Variants in IDO1 observed in about 807,000 individuals in gnomAD.
IDO1 encodes indoleamine 2,3-dioxygenase 1, also known as indolamine 2,3 dioxygenase.
In IDO1, 35 loss-of-function variants were observed where a neutral mutation model predicts 38.8. The observed-to-expected ratio is 0.90, with a 90% CI of 0.69 to 1.20. The LOEUF is 1.20. IDO1 is among the 50% of genes most tolerant of loss of function. IDO1 has a pLI of 0.00. For missense variants in IDO1, 509 were observed against 485.1 expected, an observed-to-expected ratio of 1.05 and a Z score of -0.46; for synonymous variants, 171 against 170.0, an observed-to-expected ratio of 1.01 and a Z score of -0.05.
At chr8:39,923,448 T>G in intron 6 of IDO1, 21 bp from the exon 7 acceptor site, 575 of 1,174,276 alleles carry the variant, frequency 4.9e-4, no homozygotes, top group Non-Finnish European at 6.8e-4. Context: ...TAAATGTTTG[T>G]GTTTTGTTTG....
rs777027118 is a variant in IDO1, at chr8:39,920,139, T to C, written c.437+25T>C. The C allele has an allele frequency of 6.3e-6, 10 of 1,584,820 alleles. No individual in the cohort carries two copies. The Admixed American group carries it at 1.7e-4, about 28-fold the overall frequency. ...AGTAAGTATCTGATTCTTGTTTGATTCTAAGAATTATTTGTTACTTATAGT... is the reference window on the plus strand; with the variant it reads ...AGTAAGTATCTGATTCTTGTTTGATCCTAAGAATTATTTGTTACTTATAGT... On this transcript the variant is annotated intron_variant, in intron 5 of 9. Transcript: ENST00000518237.
chr8:39,927,338 A>T (rs867491699), intron 9 of IDO1, among the ~76,000 whole-genome samples: 12 of 152,276 alleles, frequency 7.9e-5, no homozygotes, highest in South Asian at 4.1e-4. Flanking sequence ...AGGCAGGTGG[A>T]TCATCTGAGG....
At chr8:39,914,445 T>A (rs1265439629) in intron 1 of IDO1, among the ~76,000 whole-genome samples, 3 of 152,220 alleles carry the variant, frequency 2.0e-5, no homozygotes, top group African/African-American at 4.8e-5. Flanking sequence ...GTTTCTAATT[T>A]GATGGGGTTT....
In IDO1 at chr8:39,913,977, G is replaced by A; in HGVS notation, c.55G>A (p.Glu19Lys). Reference protein sequence around the residue: ...WTISKEYHIDEEVGFALPNPQ... With the variant: ...WTISKEYHIDKEVGFALPNPQ... The stretch of plus-strand genomic sequence containing the variant: ...AATCAGTAAAGAGTACCATATTGAT[G>A]AAGAAGTGGGCTTTGCTCTGCCAAA... The change falls in exon 1 of 10, where the codon GAA becomes AAA. Residue 19 changes from glutamate (E) to lysine (K), a missense_variant. Transcript: ENST00000518237. 1.3e-6 allele frequency: 2 copies of A among 1,574,264 alleles called. No individual in the cohort carries two copies. The highest frequency in any genetic ancestry group is 1.7e-6 in the Non-Finnish European group (2 of 1,159,518).
At chr8:39,925,958 C>G (rs564795381) in intron 9 of IDO1, among the ~76,000 whole-genome samples, 6 of 151,864 alleles carry the variant, frequency 4.0e-5, no homozygotes, top group Non-Finnish European at 8.8e-5. Context: ...GAGGCCGAGG[C>G]GGGCGGATCA....
chr8:39,914,071 G>C, intron 1 of IDO1, 62 bp downstream of exon 1: 1 of 1,199,178 alleles, frequency 8.3e-7, no homozygotes, highest in Non-Finnish European at 1.2e-6. Context: ...ACCTGGCCAA[G>C]TTAACTTCTA....
intron 8 of IDO1, among the ~76,000 whole-genome samples, chr8:39,924,996 C>G (rs1330182031): frequency 6.6e-6 from 1 of 152,092 alleles, no homozygotes; most frequent in Non-Finnish European, 1.5e-5. Flanking sequence ...TGTGCTAGTA[C>G]AAAGGTAAGA....
chr8:39,922,708 C>T (rs931685904), intron 6 of IDO1, 57 bp downstream of exon 6: 1 of 1,130,816 alleles, frequency 8.8e-7, no homozygotes, highest in African/African-American at 1.5e-5. Flanking sequence ...AGAGCAATCA[C>T]TTCGGAGCCT....
At chr8:39,921,083 G>A (rs1473187546) in intron 5 of IDO1, among the ~76,000 whole-genome samples, 1 of 152,192 alleles carries the variant, frequency 6.6e-6, no homozygotes, top group African/African-American at 2.4e-5. Flanking sequence ...GGAAGAAACA[G>A]CAAAAGTGAG....
At position 39,918,326 on chromosome 8, in the gene IDO1, C is replaced by T. The variant is rs10113525; in HGVS notation, c.303+119C>T. ...TGCATCATGCAAAGTTTAGATAACACGACAAAATGATAAAGAAAATATGCC... is the reference window on the plus strand; with the variant it reads ...TGCATCATGCAAAGTTTAGATAACATGACAAAATGATAAAGAAAATATGCC... On this transcript the variant is annotated intron_variant, in intron 3 of 9. Transcript: ENST00000518237. The T allele has an allele frequency of 0.016, 14,787 of 916,490 alleles. 1,250 individuals are homozygous for T. The African/African-American group carries it at 0.2, about 12-fold the overall frequency. The allele number at this position is 916,490 out of a possible 1,614,324, so 56.8% of individuals were successfully genotyped here. A position where few individuals can be genotyped will look rare whatever the true frequency, so the allele number is the denominator to read the frequency against.
intron 6 of IDO1, 96 bp from the exon 7 acceptor site, chr8:39,923,373 C>T (rs915967667): frequency 1.1e-5 from 8 of 719,318 alleles, no homozygotes; most frequent in African/African-American, 3.7e-5. Flanking sequence ...CACTGCACCC[C>T]AGCCTGGACA....
intron 9 of IDO1, among the ~76,000 whole-genome samples, chr8:39,925,671 G>C (rs1329694491): frequency 6.6e-6 from 1 of 151,954 alleles, no homozygotes; most frequent in Non-Finnish European, 1.5e-5. Flanking sequence ...ATCACCTGAG[G>C]TCAGGAGTTT....
At chr8:39,918,302 G>T (rs985868821) in intron 3 of IDO1, 95 bp downstream of exon 3, 1 of 1,275,060 alleles carries the variant, frequency 7.8e-7, no homozygotes, top group South Asian at 1.4e-5. Context: ...CATTATAACT[G>T]CATCATGCAA....
At chr8:39,926,908 T>C (rs538035608) in intron 9 of IDO1, among the ~76,000 whole-genome samples, 1 of 152,216 alleles carries the variant, frequency 6.6e-6, no homozygotes, top group Non-Finnish European at 1.5e-5. Flanking sequence ...GTGTACTCAA[T>C]ATTTAACTCC....
intron 9 of IDO1, among the ~76,000 whole-genome samples, chr8:39,927,077 C>A (rs1238550670): frequency 6.6e-6 from 1 of 152,088 alleles, no homozygotes; most frequent in Non-Finnish European, 1.5e-5. Context: ...TGTACATGTA[C>A]CACATTTTCT....
At chr8:39,914,038 A>G in intron 1 of IDO1, 29 bp downstream of exon 1, 4 of 1,473,308 alleles carry the variant, frequency 2.7e-6, no homozygotes, top group Non-Finnish European at 3.7e-6. Flanking sequence ...ATGTGGGAAA[A>G]TGCATTCTTC....
chr8:39,914,637 C>T (rs1055345425), intron 1 of IDO1, among the ~76,000 whole-genome samples: 6 of 152,152 alleles, frequency 3.9e-5, no homozygotes, highest in South Asian at 2.1e-4. Context: ...TGTCTTCTAA[C>T]GAATGCTATG....
At chr8:39,921,653 G>A (rs1807273344) in intron 5 of IDO1, among the ~76,000 whole-genome samples, 2 of 152,156 alleles carry the variant, frequency 1.3e-5, no homozygotes, top group African/African-American at 2.4e-5. Flanking sequence ...GTAAGTTGCA[G>A]AGATGGTCTG....
At chr8:39,922,357 C>G (rs1563416273) in intron 5 of IDO1, among the ~76,000 whole-genome samples, 195 bp from the exon 6 acceptor site, 1 of 152,090 alleles carries the variant, frequency 6.6e-6, no homozygotes, top group Non-Finnish European at 1.5e-5. Context: ...AACCTACTTA[C>G]TATTAATTAT....
Sources: allele counts gnomAD v4.1 joint callset (sites outside exome capture counted in the v4.1 genomes callset), GRCh38; gene constraint gnomAD v4.1.1; transcripts MANE v1.5; gene names NCBI Gene and HGNC (gene_info 2026-07-23, HGNC 2026-07-21).